Variants in CD2AP observed in about 807,000 individuals in gnomAD.
The protein encoded by CD2AP is CD2-associated protein.
A neutral mutation model predicts 85.1 loss-of-function variants in CD2AP; 46 were observed. The observed-to-expected ratio is 0.54, with a 90% CI of 0.43 to 0.69. The LOEUF is 0.69. Among genes scored for constraint, CD2AP ranks in the 30% least tolerant of loss-of-function variants. The pLI, the probability that CD2AP is intolerant of heterozygous loss-of-function variation, is 0.00. For synonymous variants in CD2AP, 255 were observed against 252.9 expected, an observed-to-expected ratio of 1.01 and a Z score of -0.08; for missense variants, 769 against 729.5, an observed-to-expected ratio of 1.05 and a Z score of -0.62.
rs144113571 is a variant in CD2AP at position 47,615,792 on chromosome 6, AATTTATTTATTT to A, written c.1878+3284_1878+3295del. On this transcript the variant is annotated intron_variant, in intron 17 of 17. Coordinates refer to ENST00000359314, the MANE Select transcript of CD2AP (RefSeq NM_012120.3). ...TTTAATTTTAATTTTAATTTAATTT[AATTTATTTATTT>A]ATTTATTTATTTATTTATTTATTTA... is the stretch of plus-strand genomic sequence containing the variant. Among the ~76,000 whole-genome samples the A allele has an allele frequency of 4.8e-3, 564 of 117,404 alleles. 3 individuals are homozygous for A. Among genetic ancestry groups the A allele is most frequent in the African/African-American group, 0.014 (499 of 34,414 alleles). The allele number at this position is 117,404 out of a possible 152,430, so 77.0% of individuals were successfully genotyped here.
intron 5 of CD2AP, among the ~76,000 whole-genome samples, chr6:47,561,147 C>A (rs149743420): frequency 6.6e-6 from 1 of 152,240 alleles, no homozygotes; most frequent in East Asian, 1.9e-4. Flanking sequence ...ATTGGAGGTA[C>A]AATTTACATA....
At chr6:47,552,664 T>G (rs992997209) in intron 4 of CD2AP, among the ~76,000 whole-genome samples, 1 of 152,210 alleles carries the variant, frequency 6.6e-6, no homozygotes, top group Admixed American at 6.5e-5. Flanking sequence ...TAAACCTAAC[T>G]CCTCAGTTGT....
At chr6:47,520,975 G>A (rs999658412) in intron 2 of CD2AP, among the ~76,000 whole-genome samples, 2 of 152,010 alleles carry the variant, frequency 1.3e-5, no homozygotes, top group African/African-American at 4.8e-5. Context: ...TCACTGCCAT[G>A]TTGTTCCTCA....
At chr6:47,547,841 G>A (rs1001050121) in intron 4 of CD2AP, among the ~76,000 whole-genome samples, 5 of 151,996 alleles carry the variant, frequency 3.3e-5, no homozygotes, top group Admixed American at 6.6e-5. Context: ...ACACCACAGC[G>A]AAATAAAACT....
chr6:47,495,568 T>G (rs934183975), intron 1 of CD2AP, among the ~76,000 whole-genome samples: 8 of 152,214 alleles, frequency 5.3e-5, no homozygotes, highest in Non-Finnish European at 1.0e-4. Flanking sequence ...CTCCAGCAGC[T>G]TCTACTCTAG....
At chr6:47,547,444 A>C (rs1238139209) in intron 4 of CD2AP, among the ~76,000 whole-genome samples, 4 of 152,150 alleles carry the variant, frequency 2.6e-5, no homozygotes, top group African/African-American at 9.7e-5. Flanking sequence ...GGGACATTAC[A>C]TAATGTTAAA....
intron 17 of CD2AP, among the ~76,000 whole-genome samples, chr6:47,613,454 G>A (rs1658552979): frequency 6.6e-6 from 1 of 151,848 alleles, no homozygotes; most frequent in Non-Finnish European, 1.5e-5. Context: ...TTCCATCAGA[G>A]TTCTTGGGTG....
At chr6:47,609,512 GCAAA>G (rs765920915) in intron 16 of CD2AP, 16 of 53,914 alleles carry the variant, frequency 3.0e-4, no homozygotes, top group Non-Finnish European at 4.8e-4. Context: ...CCCCATCTTT[GCAAA>G]AAAAAAAAAA....
chr6:47,490,917 A>C (rs534568807), intron 1 of CD2AP, among the ~76,000 whole-genome samples: 41 of 152,254 alleles, frequency 2.7e-4, no homozygotes, highest in Non-Finnish European at 5.3e-4. Context: ...CTGTTGAAAA[A>C]CATGTAAGAA....
chr6:47,493,534 T>C (rs1765785081), intron 1 of CD2AP, among the ~76,000 whole-genome samples: 1 of 152,084 alleles, frequency 6.6e-6, no homozygotes, highest in Non-Finnish European at 1.5e-5. Flanking sequence ...GTGATACATC[T>C]AGGTGTAGTT....
In CD2AP at chr6:47,537,851, A is replaced by G. The variant is rs115495300; in HGVS notation, c.319+4096A>G. 7.9e-3 allele frequency among the ~76,000 whole-genome samples: 1,193 copies of G among 151,342 alleles called. 14 individuals are homozygous for G. The highest frequency in any genetic ancestry group is 0.027 in the African/African-American group (1,116 of 41,212). ...GGCTGGAGTTCATTGGCACAATCTCAGCTCACTGCAGCCTCAGCCTCCCCA... is the reference window on the plus strand; with the variant it reads ...GGCTGGAGTTCATTGGCACAATCTCGGCTCACTGCAGCCTCAGCCTCCCCA... On this transcript the variant is annotated intron_variant, in intron 3 of 17. Transcript: ENST00000359314.
chr6:47,605,443 A>AG (rs1769244422), intron 13 of CD2AP, among the ~76,000 whole-genome samples: 1 of 151,938 alleles, frequency 6.6e-6, no homozygotes, highest in South Asian at 2.1e-4. Flanking sequence ...ACCAGGTCAG[A>AG]GGTCAGCCAG....
intron 4 of CD2AP, among the ~76,000 whole-genome samples, chr6:47,554,324 G>A (rs2114062023): frequency 6.6e-6 from 1 of 152,236 alleles, no homozygotes; most frequent in Non-Finnish European, 1.5e-5. Flanking sequence ...CATTCCAGAA[G>A]CTATGTACTT....
intron 2 of CD2AP, among the ~76,000 whole-genome samples, chr6:47,505,536 C>T (rs1288643309): frequency 6.7e-6 from 1 of 150,004 alleles, no homozygotes; most frequent in African/African-American, 2.5e-5. Context: ...TCTCAATGAG[C>T]CGTTGGGCAC....
intron 6 of CD2AP, among the ~76,000 whole-genome samples, chr6:47,574,905 C>G (rs1451518036): frequency 6.6e-6 from 1 of 152,072 alleles, no homozygotes; most frequent in Non-Finnish European, 1.5e-5. Flanking sequence ...TTCACAGTTC[C>G]TTCTATCAGT....
chr6:47,489,836 G>A (rs1271414839), intron 1 of CD2AP, among the ~76,000 whole-genome samples: 1 of 152,114 alleles, frequency 6.6e-6, no homozygotes, highest in African/African-American at 2.4e-5. Flanking sequence ...GAAGATTGTT[G>A]AGTTAAACAG....
rs77855314 is a variant in CD2AP, at chr6:47,599,487, T to G, written c.1417+44T>G. Reference sequence around the variant, plus strand: ...CGGTGGTGCATTTAAAAAAAAAAATTGTCAAAGAAACTCTTTAAGAGATAT... The same window carrying G: ...CGGTGGTGCATTTAAAAAAAAAAATGGTCAAAGAAACTCTTTAAGAGATAT... On this transcript the variant is annotated intron_variant, in intron 13 of 17. Coordinates refer to ENST00000359314, the MANE Select transcript of CD2AP (RefSeq NM_012120.3). The G allele has an allele frequency of 3.5e-3, 5,444 of 1,553,484 alleles. 19 individuals are homozygous for G. The highest frequency in any genetic ancestry group is 4.3e-3 in the Non-Finnish European group (4,842 of 1,132,174).
chr6:47,612,215 A>G (rs1582625168), intron 16 of CD2AP, among the ~76,000 whole-genome samples: 1 of 152,182 alleles, frequency 6.6e-6, no homozygotes, highest in East Asian at 1.9e-4. Flanking sequence ...AAGGTTAGAT[A>G]TTATTTCTGT....
At chr6:47,586,322 A>C (rs2114114912) in intron 11 of CD2AP, among the ~76,000 whole-genome samples, 1 of 152,332 alleles carries the variant, frequency 6.6e-6, no homozygotes, top group East Asian at 1.9e-4. Flanking sequence ...GCAGAAGAAA[A>C]TGTTAGTGAA....
Sources: gnomAD v4.1 joint callset for allele counts (sites outside exome capture counted in the v4.1 genomes callset) on GRCh38, gnomAD v4.1.1 for gene constraint, MANE v1.5 for transcripts, NCBI Gene and HGNC (gene_info 2026-07-23, HGNC 2026-07-21) for gene names.